Variants in BICRAL observed in about 807,000 individuals in gnomAD.
BICRAL encodes BRD4-interacting chromatin-remodeling complex-associated protein-like.
A neutral mutation model predicts 91.8 loss-of-function variants in BICRAL; 8 were observed. The observed-to-expected ratio is 0.09, with a 90% confidence interval of 0.05 to 0.16. The LOEUF (loss-of-function observed/expected upper bound fraction) is 0.16, where lower values mean the gene tolerates loss of function less well. Ranked by LOEUF, BICRAL falls within the 10% of genes least tolerant of loss-of-function variation. The pLI is 1.00. For missense variants in BICRAL, 1,038 were observed against 1,310.9 expected, an observed-to-expected ratio of 0.79 and a Z score of 3.21; for synonymous variants, 445 against 491.1, an observed-to-expected ratio of 0.91 and a Z score of 1.24.
At chr6:42,862,656 G>A (rs907254707) in intron 12 of BICRAL, 44 bp downstream of exon 12, 4 of 1,156,568 alleles carry the variant, frequency 3.5e-6, no homozygotes, top group Non-Finnish European at 3.9e-6. Context: ...TCCTGCCATG[G>A]TTCAGGGACC....
At chr6:42,758,586 A>G (rs1762494272) in intron 1 of BICRAL, among the ~76,000 whole-genome samples, 1 of 152,214 alleles carries the variant, frequency 6.6e-6, no homozygotes, top group Non-Finnish European at 1.5e-5. Context: ...ACAGTGTGGT[A>G]CGATTTACAC....
At chr6:42,790,343 T>A (rs1763234151) in intron 1 of BICRAL, among the ~76,000 whole-genome samples, 2 of 145,626 alleles carry the variant, frequency 1.4e-5, no homozygotes, top group South Asian at 4.4e-4. Flanking sequence ...TTTTTTTTTT[T>A]TTTTTTTTTT....
intron 2 of BICRAL, among the ~76,000 whole-genome samples, chr6:42,813,669 C>T (rs1433191425): frequency 1.3e-5 from 2 of 151,994 alleles, no homozygotes; most frequent in African/African-American, 4.8e-5. Flanking sequence ...TACAGGTGCG[C>T]ACCACCATGC....
rs1315941209 is a variant in BICRAL at position 42,857,241 on chromosome 6, G to A, written c.2254+5G>A. ...CTGAAGAAGACTTGAGAAAAGGTAA[G>A]CAGGCTGGGACCCTAAGGCACCACT... On this transcript the variant is annotated splice_donor_5th_base_variant and intron_variant, in intron 10 of 12. Coordinates refer to ENST00000314073, the MANE Select transcript of BICRAL (RefSeq NM_001393499.1). 1 of 1,611,894 alleles carries A rather than the reference G, an allele frequency of 6.2e-7. No individual in the cohort carries two copies.
chr6:42,850,845 G>C (rs1765155605), intron 6 of BICRAL, among the ~76,000 whole-genome samples: 1 of 151,930 alleles, frequency 6.6e-6, no homozygotes, highest in Admixed American at 6.6e-5. Context: ...CTCCAGCCTG[G>C]TGACGGAGTG....
chr6:42,801,269 AG>A (rs1763564073), intron 1 of BICRAL, among the ~76,000 whole-genome samples: 2 of 151,110 alleles, frequency 1.3e-5, no homozygotes, highest in African/African-American at 2.4e-5. Context: ...AAAAAAAAAG[AG>A]AGCGAGAGAG....
chr6:42,832,784 C>A (rs982246697), intron 6 of BICRAL, among the ~76,000 whole-genome samples: 1 of 151,928 alleles, frequency 6.6e-6, no homozygotes, highest in African/African-American at 2.4e-5. Flanking sequence ...AATTACAGAC[C>A]TGATGCTTAT....
chr6:42,758,636 C>G (rs1762495005), intron 1 of BICRAL, among the ~76,000 whole-genome samples: 1 of 151,562 alleles, frequency 6.6e-6, no homozygotes, highest in Non-Finnish European at 1.5e-5. Context: ...TACAGAGTAA[C>G]CTATCTCAGA....
At chr6:42,754,341 T>G (rs1762426152) in intron 1 of BICRAL, among the ~76,000 whole-genome samples, 1 of 151,724 alleles carries the variant, frequency 6.6e-6, no homozygotes, top group Non-Finnish European at 1.5e-5. Context: ...CTGGCTAATT[T>G]TTTTGTATTT....
intron 6 of BICRAL, among the ~76,000 whole-genome samples, chr6:42,832,850 T>TA (rs1684804028): frequency 6.6e-6 from 1 of 152,094 alleles, no homozygotes; most frequent in Non-Finnish European, 1.5e-5. Context: ...GGCATTCTCC[T>TA]ACATAACCAC....
intron 10 of BICRAL, 109 bp from the exon 11 acceptor site, chr6:42,860,153 A>G: frequency 3.0e-6 from 2 of 675,158 alleles, no homozygotes; most frequent in Non-Finnish European, 5.2e-6. Context: ...TGCCCCAGAT[A>G]AGCCATGTTT....
At chr6:42,770,766 C>G (rs1392938704) in intron 1 of BICRAL, among the ~76,000 whole-genome samples, 1 of 151,780 alleles carries the variant, frequency 6.6e-6, no homozygotes, top group Non-Finnish European at 1.5e-5. Flanking sequence ...TTTCCACTCA[C>G]TGTAGCCTCC....
Position 42,749,959 on chromosome 6 carries a change from A to T in BICRAL, c.-261+2936A>T, listed in dbSNP as rs528506324. ...AACCTCTGCCTCCCAGGTTCAAGTG[A>T]TTCTCCTGCCTCAGGCTCCCAAGTA... On this transcript the variant is annotated intron_variant, in intron 1 of 14. Transcript: ENST00000614467. Among the ~76,000 whole-genome samples, 74 of 151,184 alleles carry T rather than the reference A, an allele frequency of 4.9e-4. No individual in the cohort carries two copies. In the South Asian group the frequency reaches 0.015, roughly 31 times the overall value.
Position 42,758,721 on chromosome 6 carries a change from A to G in BICRAL, c.-261+11698A>G, listed in dbSNP as rs569082196. ...ATGGAGTCGGGGGGTCCAAAAAAAAAAAAAAAAGAAAAAAGAATTGAGTGG... is the reference window on the plus strand; with the variant it reads ...ATGGAGTCGGGGGGTCCAAAAAAAAGAAAAAAAGAAAAAAGAATTGAGTGG... On this transcript the variant is annotated intron_variant, in intron 1 of 14. Coordinates refer to the BICRAL transcript ENST00000614467. Among the ~76,000 whole-genome samples, 776 of 152,124 alleles carry G rather than the reference A, an allele frequency of 5.1e-3. 4 individuals carry two copies. The highest frequency in any genetic ancestry group is 7.5e-3 in the Non-Finnish European group (513 of 67,954).
chr6:42,781,160 T>C (rs2113856452), upstream of BICRAL, among the ~76,000 whole-genome samples: 1 of 152,236 alleles, frequency 6.6e-6, no homozygotes, highest in Admixed American at 6.5e-5. Flanking sequence ...AAAGATTGAC[T>C]AGCTCTCTTT....
intron 2 of BICRAL, among the ~76,000 whole-genome samples, chr6:42,816,209 A>G (rs1026692678): frequency 6.6e-6 from 1 of 151,668 alleles, no homozygotes. Flanking sequence ...AAAAAATGAA[A>G]AAAAAAAAAG....
At chr6:42,843,253 G>T (rs7758869) in intron 6 of BICRAL, among the ~76,000 whole-genome samples, 12,167 of 152,174 alleles carry the variant, frequency 0.08, 870 homozygotes, top group African/African-American at 0.19. Flanking sequence ...GTTTCCTGAG[G>T]TGGTGGTCTC....
At chr6:42,797,044 C>CAAAAAAAAAAAAAAAAAAAAA (rs1192829085) in intron 1 of BICRAL, among the ~76,000 whole-genome samples, 1 of 44,296 alleles carries the variant, frequency 2.3e-5, no homozygotes, top group Non-Finnish European at 4.9e-5. Flanking sequence ...AACTCTGTCT[C>CAAAAAAAAAAAAAAAAAAAAA]AAAAAAAAAA....
rs58436258 is a variant in BICRAL, at chr6:42,776,387, G to A, written c.-260-5452G>A. 9.9e-3 allele frequency among the ~76,000 whole-genome samples: 1,450 copies of A among 146,474 alleles called. 22 individuals carry two copies. Among genetic ancestry groups the A allele is most frequent in the African/African-American group, 0.034 (1,357 of 39,584 alleles). On this transcript the variant is annotated intron_variant, in intron 1 of 14. Coordinates refer to the BICRAL transcript ENST00000614467. Reference sequence around the variant, plus strand: ...TTTTGAGACAGGGTCTTGCTCTGTCGCCCAGGCTGGAGTGCAGTGGCTTGA... The same window carrying A: ...TTTTGAGACAGGGTCTTGCTCTGTCACCCAGGCTGGAGTGCAGTGGCTTGA...
Sources: allele counts gnomAD v4.1 joint callset (sites outside exome capture counted in the v4.1 genomes callset), GRCh38; gene constraint gnomAD v4.1.1; transcripts MANE v1.5; gene names NCBI Gene and HGNC (gene_info 2026-07-23, HGNC 2026-07-21).